NPEPPS: variants seen among roughly 807,000 people sequenced by gnomAD.
The protein encoded by NPEPPS is aminopeptidase puromycin sensitive.
In NPEPPS, 14 loss-of-function variants were observed where a neutral mutation model predicts 115.5. The ratio of observed to expected loss-of-function variants is 0.12; its 90% CI spans 0.08 to 0.19. The LOEUF is 0.19. Among genes scored for constraint, NPEPPS ranks in the 10% least tolerant of loss-of-function variants. NPEPPS has a pLI of 1.00. For synonymous variants in NPEPPS, 285 were observed against 390.6 expected, an observed-to-expected ratio of 0.73 and a Z score of 3.19; for missense variants, 523 against 1,110.8, an observed-to-expected ratio of 0.47 and a Z score of 7.52.
chr17:47,562,157 C>G (rs950577735), intron 2 of NPEPPS, among the ~76,000 whole-genome samples: 2 of 152,176 alleles, frequency 1.3e-5, no homozygotes, highest in Non-Finnish European at 2.9e-5. Context: ...TTCCTGAGTT[C>G]TGGGCACAGC....
chr17:47,594,374 A>C (rs1404798809), intron 12 of NPEPPS, among the ~76,000 whole-genome samples: 1 of 151,296 alleles, frequency 6.6e-6, no homozygotes, highest in Non-Finnish European at 1.5e-5. Context: ...TTTTAAATTT[A>C]CTTTTTAATT....
At chr17:47,618,272 G>T (rs1440411381) in intron 19 of NPEPPS, 78 bp from the exon 20 acceptor site, 7 of 883,894 alleles carry the variant, frequency 7.9e-6, no homozygotes, top group Non-Finnish European at 1.1e-5. Flanking sequence ...TACCTTACTG[G>T]GGAAGAAGCT....
intron 3 of NPEPPS, among the ~76,000 whole-genome samples, chr17:47,570,607 A>G (rs941809107): frequency 3.3e-5 from 5 of 152,266 alleles, no homozygotes; most frequent in Non-Finnish European, 7.3e-5. Flanking sequence ...GCACAAAGAA[A>G]TAGACTTTCT....
Position 47,590,746 on chromosome 17 carries a change from A to G in NPEPPS, c.1125A>G (p.Glu375=), listed in dbSNP as rs576543045. 2.3e-4 allele frequency: 365 copies of G among 1,598,220 alleles called. 1 individual carries two copies. Among genetic ancestry groups the G allele is most frequent in the Admixed American group, 6.2e-4 (34 of 54,740 alleles). ...GGTGGACTCATCTTTGGTTAAATGA[A>G]GGTTTTGCATCCTGGATTGAATATC... The part of the protein sequence containing the change: ...MEWWTHLWLN[E]GFASWIEYLC... The change falls in exon 10 of 23, where the codon GAA becomes GAG. Residue 375 remains glutamate (E), a synonymous_variant. Coordinates refer to ENST00000322157, the MANE Select transcript of NPEPPS (RefSeq NM_006310.4).
chr17:47,615,073 C>CTTTTTTTTTTT lies in NPEPPS; in HGVS notation c.2295+1361_2295+1371dup, dbSNP rs60829784. On this transcript the variant is annotated intron_variant, in intron 19 of 22. Transcript: ENST00000322157. Reference sequence around the variant, plus strand: ...ATGTTGTAATAGGTTTACTTTCTTTCTTTTTTTTTTTTTTTTTTTTTTTGA... The same window carrying CTTTTTTTTTTT: ...ATGTTGTAATAGGTTTACTTTCTTTCTTTTTTTTTTTTTTTTTTTTTTTTTTTTTTTTTTGA... Among the ~76,000 whole-genome samples the CTTTTTTTTTTT allele has an allele frequency of 6.9e-4, 85 of 122,466 alleles. 3 individuals carry two copies. Among genetic ancestry groups the CTTTTTTTTTTT allele is most frequent in the African/African-American group, 1.8e-3 (53 of 29,724 alleles). 80.3% of individuals were successfully genotyped at this position (122,466 alleles called of 152,430 possible).
intron 3 of NPEPPS, among the ~76,000 whole-genome samples, chr17:47,577,882 A>G (rs1911617250): frequency 6.6e-6 from 1 of 152,144 alleles, no homozygotes; most frequent in Admixed American, 6.5e-5. Flanking sequence ...ATTTTATAAG[A>G]TGAAGATTTG....
At position 47,622,926 on chromosome 17, in the gene NPEPPS, A is replaced by G. The variant is rs1361195507; in HGVS notation, c.*1006A>G. On this transcript the variant is annotated 3_prime_UTR_variant, in exon 23 of 23. Transcript: ENST00000322157. ...TTTATGCGTGCGAGAAGTCAGTGGT[A>G]ACTGCTGCAGGGCTTAATACATTAG... The G allele has an allele frequency of 2.2e-6, 1 of 456,082 alleles. No individual in the cohort carries two copies. Among genetic ancestry groups the G allele is most frequent in the East Asian group, 6.9e-5 (1 of 14,400 alleles). The allele number at this position is 456,082 out of a possible 1,614,324, so 28.3% of individuals were successfully genotyped here. A position where few individuals can be genotyped will look rare whatever the true frequency, so the allele number is the denominator to read the frequency against.
chr17:47,586,798 G>A (rs1597864544), intron 8 of NPEPPS: 4 of 462,422 alleles, frequency 8.7e-6, no homozygotes, highest in Non-Finnish European at 1.7e-5. Flanking sequence ...CTGTAAACAA[G>A]TTTTTGCCTT....
rs1256467741 is a variant in NPEPPS at position 47,623,112 on chromosome 17, A to G, written c.*1192A>G. The G allele has an allele frequency of 7.7e-6, 2 of 258,068 alleles. No homozygotes were observed. Among genetic ancestry groups the G allele is most frequent in the Non-Finnish European group, 1.5e-5 (2 of 131,886 alleles). 16.0% of individuals were successfully genotyped at this position (258,068 alleles called of 1,614,324 possible). ...CCTTTTTTTTCTTTTTTTCTTAAAA[A>G]AATATTTTGTGTTATTAACAGAAAT... On this transcript the variant is annotated 3_prime_UTR_variant, in exon 23 of 23. Coordinates refer to ENST00000322157, the MANE Select transcript of NPEPPS (RefSeq NM_006310.4).
chr17:47,551,026 G>T (rs1230676936), intron 2 of NPEPPS, among the ~76,000 whole-genome samples: 2 of 152,170 alleles, frequency 1.3e-5, no homozygotes, highest in African/African-American at 4.8e-5. Context: ...ACAGAAGTCA[G>T]TATCAGTTTC....
intron 1 of NPEPPS, among the ~76,000 whole-genome samples, chr17:47,541,494 A>T (rs1031473709): frequency 1.8e-4 from 28 of 151,726 alleles, no homozygotes; most frequent in Non-Finnish European, 3.4e-4. Context: ...CTCCTGCCTC[A>T]GCCTCCCGAG....
intron 1 of NPEPPS, among the ~76,000 whole-genome samples, chr17:47,536,120 C>T (rs1597808943): frequency 1.3e-5 from 2 of 152,052 alleles, no homozygotes; most frequent in African/African-American, 4.8e-5. Flanking sequence ...CAGGCGTGAG[C>T]CACCGTGCCC....
At chr17:47,538,550 G>C (rs1266048998) in intron 1 of NPEPPS, among the ~76,000 whole-genome samples, 1 of 110,026 alleles carries the variant, frequency 9.1e-6, no homozygotes, top group Non-Finnish European at 1.8e-5. Flanking sequence ...TTTTTTTGGA[G>C]ACAGAGTCTT....
intron 3 of NPEPPS, among the ~76,000 whole-genome samples, chr17:47,578,632 AT>A (rs1210068388): frequency 6.6e-6 from 1 of 152,076 alleles, no homozygotes; most frequent in African/African-American, 2.4e-5. Context: ...TTTAAGTTGT[AT>A]TTTTATTTGC....
intron 13 of NPEPPS, among the ~76,000 whole-genome samples, chr17:47,598,554 G>C (rs1422542751): frequency 6.6e-6 from 1 of 152,138 alleles, no homozygotes; most frequent in Non-Finnish European, 1.5e-5. Context: ...GTGTTCTGGA[G>C]TTTGAGACCA....
chr17:47,545,671 C>T (rs1339609135), intron 1 of NPEPPS, among the ~76,000 whole-genome samples: 1 of 152,032 alleles, frequency 6.6e-6, no homozygotes, highest in Non-Finnish European at 1.5e-5. Flanking sequence ...ACTTCAACCT[C>T]CCGAGTAGCT....
rs1271632714 is a variant in NPEPPS, at chr17:47,596,482, C to T, written c.1536+20C>T. ...GAACAGGTAAACATATAAAGTCTTT[C>T]CATTTGTCTGATATTGTATTAAATG... On this transcript the variant is annotated intron_variant, in intron 13 of 22. Transcript: ENST00000322157. 2 of 1,458,292 alleles carry T rather than the reference C, an allele frequency of 1.4e-6. No homozygotes were observed. The highest frequency in any genetic ancestry group is 4.8e-5 in the East Asian group (2 of 41,566). The allele number at this position is 1,458,292 out of a possible 1,614,324, so 90.3% of individuals were successfully genotyped here.
intron 15 of NPEPPS, among the ~76,000 whole-genome samples, chr17:47,602,933 C>T (rs1009789658): frequency 7.9e-5 from 12 of 151,862 alleles, no homozygotes; most frequent in Admixed American, 6.6e-4. Context: ...AAGTTATGTA[C>T]ACTACAATTT....
At chr17:47,587,989 C>A (rs1169432030) in intron 9 of NPEPPS, among the ~76,000 whole-genome samples, 2 of 151,110 alleles carry the variant, frequency 1.3e-5, no homozygotes, top group Non-Finnish European at 2.9e-5. Flanking sequence ...TGTGTTAGAG[C>A]TTGGGAGCAC....
Sources: gnomAD v4.1 joint callset for allele counts (sites outside exome capture counted in the v4.1 genomes callset) on GRCh38, gnomAD v4.1.1 for gene constraint, MANE v1.5 for transcripts, NCBI Gene and HGNC (gene_info 2026-07-23, HGNC 2026-07-21) for gene names.